Variants in BNIP1 observed in about 807,000 individuals in gnomAD.
The protein encoded by BNIP1 is BCL2 interacting protein 1.
BNIP1 carries 25 observed loss-of-function variants against 28.5 expected under a neutral mutation model. The observed-to-expected ratio is 0.88, with a 90% CI of 0.64 to 1.23. BNIP1 has a LOEUF of 1.23. Ranked by LOEUF, BNIP1 falls within the 50% of genes most tolerant of loss-of-function variation. BNIP1 has a pLI of 0.00. For missense variants in BNIP1, 276 were observed against 277.0 expected, an observed-to-expected ratio of 1.00 and a Z score of 0.02; for synonymous variants, 118 against 101.7, an observed-to-expected ratio of 1.16 and a Z score of -0.96.
chr5:173,147,404 CA>C (rs1418288917), intron 2 of BNIP1, among the ~76,000 whole-genome samples: 62 of 138,222 alleles, frequency 4.5e-4, no homozygotes, highest in Admixed American at 2.7e-3. Flanking sequence ...GACTCTGTCT[CA>C]AAAAAAAAAA....
At chr5:173,153,449 G>A (rs912017431) in intron 2 of BNIP1, among the ~76,000 whole-genome samples, 1 of 151,962 alleles carries the variant, frequency 6.6e-6, no homozygotes, top group Non-Finnish European at 1.5e-5. Context: ...GGATGGTCTC[G>A]ATCTCCTGAC....
At chr5:173,162,178 G>A (rs539348469) in intron 5 of BNIP1, among the ~76,000 whole-genome samples, 2 of 152,156 alleles carry the variant, frequency 1.3e-5, no homozygotes, top group Non-Finnish European at 2.9e-5. Context: ...GTAGGCACAT[G>A]TTAAAAAGTA....
intron 5 of BNIP1, among the ~76,000 whole-genome samples, chr5:173,160,460 C>T (rs1205575689): frequency 6.6e-6 from 1 of 152,146 alleles, no homozygotes; most frequent in Middle Eastern, 3.2e-3. Flanking sequence ...TCTTGAACTC[C>T]CAACCTCAGG....
chr5:173,149,021 T>C (rs976751206), intron 2 of BNIP1, among the ~76,000 whole-genome samples: 1 of 152,174 alleles, frequency 6.6e-6, no homozygotes. Context: ...TAGCACTTAC[T>C]CTGCCCTAGT....
At chr5:173,151,045 C>T (rs1760003316) in intron 2 of BNIP1, among the ~76,000 whole-genome samples, 1 of 152,020 alleles carries the variant, frequency 6.6e-6, no homozygotes, top group African/African-American at 2.4e-5. Context: ...CCGTGTTAGC[C>T]AGGCTGGTCT....
In BNIP1 at chr5:173,160,186, G is replaced by A. The variant is rs187068256; in HGVS notation, c.490+135G>A. 19 of 735,686 alleles carry A rather than the reference G, an allele frequency of 2.6e-5. No homozygotes were observed. The East Asian group carries it at 4.8e-4, about 19-fold the overall frequency. 45.6% of individuals were successfully genotyped at this position (735,686 alleles called of 1,614,324 possible). ...GACTTGGGTGGCTTCTCCCTCATGA[G>A]ATGACTTGACACCATGGTCTTATCC... On this transcript the variant is annotated intron_variant, in intron 5 of 5. Coordinates refer to ENST00000351486, the MANE Select transcript of BNIP1 (RefSeq NM_001205.3).
At chr5:173,151,773 C>A in intron 2 of BNIP1, 1 of 1,586,176 alleles carries the variant, frequency 6.3e-7, no homozygotes, top group Non-Finnish European at 8.6e-7. Context: ...AATGACCTCA[C>A]CAATACGTGT....
At chr5:173,151,486 G>A (rs1036411988) in intron 2 of BNIP1, 31 of 1,429,716 alleles carry the variant, frequency 2.2e-5, no homozygotes, top group Non-Finnish European at 2.8e-5. Context: ...CTTCCAAAGT[G>A]TTGGGATTAC....
chr5:173,151,513 A>G (rs942614025), intron 2 of BNIP1: 1 of 1,552,786 alleles, frequency 6.4e-7, no homozygotes, highest in Non-Finnish European at 8.7e-7. Flanking sequence ...GAGCCACCAC[A>G]CCTGGTCTCT....
intron 4 of BNIP1, 97 bp downstream of exon 4, chr5:173,158,942 T>A: frequency 2.6e-6 from 2 of 767,328 alleles, no homozygotes; most frequent in Non-Finnish European, 3.9e-6. Flanking sequence ...GTGCTTAATT[T>A]AATTACATAA....
chr5:173,145,551 G>A (rs1423517233), intron 1 of BNIP1, among the ~76,000 whole-genome samples: 1 of 152,116 alleles, frequency 6.6e-6, no homozygotes, highest in Non-Finnish European at 1.5e-5. Flanking sequence ...ACAGGCACCC[G>A]CCACCACGCC....
intron 3 of BNIP1, among the ~76,000 whole-genome samples, chr5:173,156,928 C>T (rs1017039441): frequency 6.6e-6 from 1 of 150,966 alleles, no homozygotes; most frequent in Non-Finnish European, 1.5e-5. Flanking sequence ...GGATTACAGG[C>T]GTGAGGCACC....
intron 5 of BNIP1, chr5:173,161,693 G>A (rs975986920): frequency 3.3e-5 from 5 of 152,170 alleles, no homozygotes; most frequent in Admixed American, 2.0e-4. Context: ...AAGCTTATTA[G>A]GAATATGGTG....
rs190392543 is a variant in BNIP1, at chr5:173,147,893, T to C, written c.177+935T>C. Among the ~76,000 whole-genome samples, 777 of 150,448 alleles carry C rather than the reference T, an allele frequency of 5.2e-3. 9 individuals carry two copies. Among genetic ancestry groups the C allele is most frequent in the African/African-American group, 0.018 (718 of 40,892 alleles). On this transcript the variant is annotated intron_variant, in intron 2 of 5. Coordinates refer to ENST00000351486, the MANE Select transcript of BNIP1 (RefSeq NM_001205.3). Reference sequence around the variant, plus strand: ...CAGCCTGGCCAACATGGCAAAACCCTGTCTCTGATAAATGCAAAAATTAGC... The same window carrying C: ...CAGCCTGGCCAACATGGCAAAACCCCGTCTCTGATAAATGCAAAAATTAGC...
chr5:173,156,559 G>A (rs547713324), intron 3 of BNIP1, among the ~76,000 whole-genome samples: 134 of 152,128 alleles, frequency 8.8e-4, no homozygotes, highest in Middle Eastern at 6.8e-3. Context: ...CAGGAGGGCA[G>A]TGGGCTCGGG....
At chr5:173,144,684 G>T (rs1759780079) in intron 1 of BNIP1, 55 bp downstream of exon 1, 3 of 1,572,690 alleles carry the variant, frequency 1.9e-6, no homozygotes, top group Non-Finnish European at 2.6e-6. Context: ...AAGCTCTGCT[G>T]GTCTGTGAGC....
intron 3 of BNIP1, among the ~76,000 whole-genome samples, chr5:173,155,453 C>G (rs760993848): frequency 6.6e-6 from 1 of 152,204 alleles, no homozygotes; most frequent in Admixed American, 6.5e-5. Context: ...GGAATCCCAG[C>G]GCTTTGGGAG....
chr5:173,146,861 C>T lies in BNIP1; in HGVS notation c.85-5C>T. On this transcript the variant is annotated splice_region_variant and splice_polypyrimidine_tract_variant and intron_variant, in intron 1 of 5. Coordinates refer to ENST00000351486, the MANE Select transcript of BNIP1 (RefSeq NM_001205.3). ...AAGGCCTTTCATCTGTTCAATGTCT[C>T]CTAGGATATCCGTGATTGTTCAGGA... The T allele has an allele frequency of 1.2e-6, 2 of 1,609,572 alleles. No homozygotes were observed. Among genetic ancestry groups the T allele is most frequent in the Non-Finnish European group, 1.7e-6 (2 of 1,176,036 alleles).
At position 173,163,855 on chromosome 5, in the gene BNIP1, T is replaced by C. The variant is rs1760435134; in HGVS notation, c.621T>C (p.Leu207=). The change falls in exon 6 of 6, where the codon CTT becomes CTC. Residue 207 remains leucine, a synonymous_variant. Coordinates refer to ENST00000351486, the MANE Select transcript of BNIP1 (RefSeq NM_001205.3). ...TGACGGACAAGCTTCTCATCTTCCT[T>C]GCGCTAGCCCTGTTTCTTGCTACGG... The part of the protein sequence containing the change: ...RELTDKLLIF[L]ALALFLATVL... 1 of 1,614,086 alleles carries C rather than the reference T, an allele frequency of 6.2e-7. No individual in the cohort carries two copies. Among genetic ancestry groups the C allele is most frequent in the East Asian group, 2.2e-5 (1 of 44,882 alleles).
Sources: gnomAD v4.1 joint callset for allele counts (sites outside exome capture counted in the v4.1 genomes callset) on GRCh38, gnomAD v4.1.1 for gene constraint, MANE v1.5 for transcripts, NCBI Gene and HGNC (gene_info 2026-07-23, HGNC 2026-07-21) for gene names.